The following TNFRSF11A variants were observed in gnomAD, a reference collection of about 807,000 sequenced individuals.
TNFRSF11A encodes tumor necrosis factor receptor superfamily member 11A.
TNFRSF11A carries 32 observed loss-of-function variants against 55.7 expected under a neutral mutation model. That is an observed-to-expected ratio of 0.57 (90% CI 0.43 to 0.77). TNFRSF11A has a LOEUF of 0.77. TNFRSF11A is among the 30% of genes least tolerant of loss of function. The pLI, the probability that TNFRSF11A is intolerant of heterozygous loss-of-function variation, is 0.00. For missense variants in TNFRSF11A, 753 were observed against 809.8 expected (o/e 0.93, Z 0.85); for synonymous variants, 311 against 331.0 (o/e 0.94, Z 0.65).
intron 1 of TNFRSF11A, among the ~76,000 whole-genome samples, chr18:62,342,081 T>A (rs1189351460): frequency 6.6e-6 from 1 of 151,852 alleles, no homozygotes; most frequent in Admixed American, 6.6e-5. Context: ...TGAGTTCTCC[T>A]GGCCCTTACT....
At chr18:62,384,351 TA>T (rs1911512645) in intron 9 of TNFRSF11A, among the ~76,000 whole-genome samples, 1 of 124,088 alleles carries the variant, frequency 8.1e-6, no homozygotes, top group Non-Finnish European at 1.7e-5. Flanking sequence ...TCCCCTCCTT[TA>T]CCTCCCCTCC....
chr18:62,390,799 G>C lies in TNFRSF11A; in HGVS notation c.*5765G>C, dbSNP rs1013269834. On this transcript the variant is annotated 3_prime_UTR_variant, in exon 10 of 10. Coordinates refer to ENST00000586569, the MANE Select transcript of TNFRSF11A (RefSeq NM_003839.4). Reference sequence around the variant, plus strand: ...TTAAAATGAATGTTTAAAGTTCTTAGAAGAGCTTTCTCTAAATATTTACTC... The same window carrying C: ...TTAAAATGAATGTTTAAAGTTCTTACAAGAGCTTTCTCTAAATATTTACTC... 6.6e-6 allele frequency: 1 copy of C among 152,130 alleles called. No individual in the cohort carries two copies. The highest frequency in any genetic ancestry group is 2.4e-5 in the African/African-American group (1 of 41,422). 9.4% of individuals were successfully genotyped at this position (152,130 alleles called of 1,614,324 possible).
chr18:62,368,916 C>G lies in TNFRSF11A; in HGVS notation c.999C>G (p.Thr333=), dbSNP rs138204772. Residue 333 remains threonine (T), a synonymous_variant, in exon 9 of 10, where the codon ACC becomes ACG. Transcript: ENST00000586569. ...DARMLSLVSK[T]EIEEDSFRQM... ...GGATGCTCTCATTGGTCAGCAAGAC[C>G]GAGATAGAGGAAGACAGCTTCAGAC... 5 of 1,614,208 alleles carry G rather than the reference C, an allele frequency of 3.1e-6. No individual in the cohort carries two copies. The East Asian group carries it at 1.1e-4, about 36-fold the overall frequency.
chr18:62,334,054 C>T (rs962774352), intron 1 of TNFRSF11A, among the ~76,000 whole-genome samples: 1 of 151,988 alleles, frequency 6.6e-6, no homozygotes, highest in Non-Finnish European at 1.5e-5. Context: ...TTAGTAGAGA[C>T]GGGTTTTCGA....
chr18:62,371,814 A>G lies in TNFRSF11A; in HGVS notation c.1567+2330A>G, dbSNP rs112824635. ...TTTAAAAAGTCACAATTTACGTTCT[A>G]TAAAATGCGTGAAAGAGGCTGGAGC... is the stretch of plus-strand genomic sequence containing the variant. On this transcript the variant is annotated intron_variant, in intron 9 of 9. Coordinates refer to ENST00000586569, the MANE Select transcript of TNFRSF11A (RefSeq NM_003839.4). Among the ~76,000 whole-genome samples the G allele has an allele frequency of 4.6e-3, 694 of 152,326 alleles. 5 individuals carry two copies. The highest frequency in any genetic ancestry group is 0.016 in the African/African-American group (671 of 41,560).
intron 8 of TNFRSF11A, 116 bp downstream of exon 8, chr18:62,366,876 T>C (rs2145348472): frequency 9.5e-7 from 1 of 1,048,778 alleles, no homozygotes; most frequent in African/African-American, 1.7e-5. Context: ...TGAGACGGAG[T>C]CTCGCTCTGT....
chr18:62,359,984 A>G lies in TNFRSF11A; in HGVS notation c.551A>G (p.His184Arg), dbSNP rs1275497537. ...NCTFLGKRVE[H>R]HGTEKSDAVC... ...ACCTTCCTTGGAAAGAGAGTAGAAC[A>G]TCATGGGACAGAGAAATCCGATGCG... Residue 184 changes from histidine to arginine, a missense_variant, in exon 6 of 10, where the codon CAT becomes CGT. His to Arg is a conservative substitution (Grantham distance 29). Coordinates refer to ENST00000586569, the MANE Select transcript of TNFRSF11A (RefSeq NM_003839.4). The G allele has an allele frequency of 6.2e-7, 1 of 1,614,052 alleles. No individual in the cohort carries two copies. The highest frequency in any genetic ancestry group is 8.5e-7 in the Non-Finnish European group (1 of 1,179,894).
chr18:62,354,377 C>T lies in TNFRSF11A; in HGVS notation c.284-14C>T, dbSNP rs781370321. The T allele has an allele frequency of 4.5e-6, 7 of 1,565,372 alleles. No homozygotes were observed. The South Asian group carries it at 6.9e-5, about 15-fold the overall frequency. ...CCCCTCCCTGGCCACTGACCTGTCT[C>T]TTGTCTCCCGCAGGCAAGGCCCTGG... On this transcript the variant is annotated splice_polypyrimidine_tract_variant and intron_variant, in intron 3 of 9. Coordinates refer to ENST00000586569, the MANE Select transcript of TNFRSF11A (RefSeq NM_003839.4).
chr18:62,384,803 G>C lies in TNFRSF11A; in HGVS notation c.1620G>C (p.Met540Ile). 6.2e-7 allele frequency: 1 copy of C among 1,612,836 alleles called. No individual in the cohort carries two copies. The highest frequency in any genetic ancestry group is 1.7e-5 in the Admixed American group (1 of 59,874). Residue 540 changes from methionine (M) to isoleucine (I), a missense_variant, in exon 10 of 10, where the codon ATG becomes ATC. Around this residue, in one of 3 missense-constraint regions of TNFRSF11A, gnomAD observed 567 missense variants for 596.7 expected, o/e 0.95. Coordinates refer to ENST00000586569, the MANE Select transcript of TNFRSF11A (RefSeq NM_003839.4). ...NSTFISSGQV[M>I]NFKGDIIVVY... is the part of the protein sequence containing the mutation. ...CGTTCATCTCCAGCGGGCAGGTGAT[G>C]AACTTCAAGGGCGACATCATCGTGG...
At chr18:62,375,614 T>C (rs1222246911) in intron 9 of TNFRSF11A, among the ~76,000 whole-genome samples, 2 of 152,224 alleles carry the variant, frequency 1.3e-5, no homozygotes, top group African/African-American at 4.8e-5. Context: ...GTGTTTTGTG[T>C]GTATTATCTT....
At chr18:62,358,400 C>T (rs1037002299) in intron 5 of TNFRSF11A, 59 bp downstream of exon 5, 1 of 1,487,838 alleles carries the variant, frequency 6.7e-7, no homozygotes, top group African/African-American at 1.4e-5. Flanking sequence ...TCAACCTCCA[C>T]TGTCTCGTCT....
intron 4 of TNFRSF11A, among the ~76,000 whole-genome samples, chr18:62,356,692 GTGC>G (rs1909284213): frequency 6.6e-6 from 1 of 152,224 alleles, no homozygotes; most frequent in Admixed American, 6.5e-5. Flanking sequence ...GGTGGGAACT[GTGC>G]TGGGAGGCGC....
chr18:62,378,707 GTAT>G (rs776109717), intron 9 of TNFRSF11A, among the ~76,000 whole-genome samples: 28 of 152,312 alleles, frequency 1.8e-4, no homozygotes, highest in Middle Eastern at 3.4e-3. Context: ...TAACAAATGT[GTAT>G]TATTAATATT....
At position 62,386,338 on chromosome 18, in the gene TNFRSF11A, C is replaced by A. The variant is rs1167200440; in HGVS notation, c.*1304C>A. 2 of 152,138 alleles carry A rather than the reference C, an allele frequency of 1.3e-5. No homozygotes were observed. The highest frequency in any genetic ancestry group is 4.8e-5 in the African/African-American group (2 of 41,408). 9.4% of individuals were successfully genotyped at this position (152,138 alleles called of 1,614,324 possible). A position where few individuals can be genotyped will look rare whatever the true frequency, so the allele number is the denominator to read the frequency against. ...CCTCTTTTATTCGTAAATAATCGTG[C>A]ATCTGTGGGTTAGCCTTGTAGAAGT... On this transcript the variant is annotated 3_prime_UTR_variant, in exon 10 of 10. Transcript: ENST00000586569.
intron 7 of TNFRSF11A, among the ~76,000 whole-genome samples, chr18:62,362,353 G>C (rs1160757039): frequency 6.6e-6 from 1 of 151,982 alleles, no homozygotes; most frequent in African/African-American, 2.4e-5. Context: ...AGCCAGACAT[G>C]GTGGCACATG....
intron 4 of TNFRSF11A, among the ~76,000 whole-genome samples, chr18:62,357,605 A>G (rs1909355767): frequency 6.6e-6 from 1 of 152,240 alleles, no homozygotes; most frequent in Non-Finnish European, 1.5e-5. Context: ...GCAAAGCCTA[A>G]GATATTTACT....
At chr18:62,370,061 A>T (rs542639929) in intron 9 of TNFRSF11A, among the ~76,000 whole-genome samples, 286 of 152,254 alleles carry the variant, frequency 1.9e-3, no homozygotes, top group Non-Finnish European at 3.5e-3. Context: ...GGCCCCTTTT[A>T]TAACCACAAC....
Position 62,385,339 on chromosome 18 carries a change from T to C in TNFRSF11A, c.*305T>C. The C allele has an allele frequency of 4.5e-6, 1 of 219,866 alleles. No individual in the cohort carries two copies. Among genetic ancestry groups the C allele is most frequent in the Non-Finnish European group, 8.5e-6 (1 of 118,280 alleles). 13.6% of individuals were successfully genotyped at this position (219,866 alleles called of 1,614,324 possible). On this transcript the variant is annotated 3_prime_UTR_variant, in exon 10 of 10. Transcript: ENST00000586569. Reference sequence around the variant, plus strand: ...ACAGCTATTTTTATGACTATCCTGTTCTGTGGGGGGGGGGGTCTGTTTTCC... The same window carrying C: ...ACAGCTATTTTTATGACTATCCTGTCCTGTGGGGGGGGGGGTCTGTTTTCC...
chr18:62,376,278 CTTTTTTT>C (rs35138457), intron 9 of TNFRSF11A, among the ~76,000 whole-genome samples: 3 of 99,236 alleles, frequency 3.0e-5, no homozygotes, highest in African/African-American at 1.2e-4. Context: ...CAAACTTTAT[CTTTTTTT>C]TTTTTTTTTT....
Sources: allele counts gnomAD v4.1 joint callset (sites outside exome capture counted in the v4.1 genomes callset), GRCh38; gene constraint gnomAD v4.1.1; regional missense constraint gnomAD v4.1.1; transcripts MANE v1.5; gene names NCBI Gene and HGNC (gene_info 2026-07-23, HGNC 2026-07-21).